NKAIN3: variants seen among roughly 807,000 people sequenced by gnomAD.
NKAIN3 encodes sodium/potassium-transporting ATPase subunit beta-1-interacting protein 3.
Under a neutral mutation model 30.2 loss-of-function variants are expected in NKAIN3, and 25 were observed. That is an observed-to-expected ratio of 0.83 (90% CI 0.60 to 1.16). The LOEUF (loss-of-function observed/expected upper bound fraction) is 1.16. Among genes scored for constraint, NKAIN3 ranks in the 50% most tolerant of loss-of-function variants. The probability of loss-of-function intolerance (pLI) is 0.00; values close to 1 mark genes in which losing one functional copy is unlikely to be tolerated. For missense variants in NKAIN3, 225 were observed against 254.1 expected, an observed-to-expected ratio of 0.89 and a Z score of 0.78; for synonymous variants, 91 against 89.6, an observed-to-expected ratio of 1.02 and a Z score of -0.09.
chr8:62,704,103 C>T (rs1317731059), intron 3 of NKAIN3, among the ~76,000 whole-genome samples: 1 of 152,204 alleles, frequency 6.6e-6, no homozygotes, highest in Non-Finnish European at 1.5e-5. Flanking sequence ...TTCCCTTCCT[C>T]TGTTCCAGGA....
At chr8:62,368,639 A>C (rs954095749) in intron 1 of NKAIN3, among the ~76,000 whole-genome samples, 1 of 152,176 alleles carries the variant, frequency 6.6e-6, no homozygotes, top group Non-Finnish European at 1.5e-5. Context: ...TCTGCAAAAA[A>C]CACCTTGTGC....
chr8:62,263,374 A>G (rs1585609742), intron 1 of NKAIN3, among the ~76,000 whole-genome samples: 2 of 152,270 alleles, frequency 1.3e-5, no homozygotes, highest in Non-Finnish European at 1.5e-5. Flanking sequence ...TGGAATGTAC[A>G]TTTGGATTAA....
intron 3 of NKAIN3, among the ~76,000 whole-genome samples, chr8:62,676,597 T>C (rs979719166): frequency 6.6e-6 from 1 of 152,142 alleles, no homozygotes; most frequent in Non-Finnish European, 1.5e-5. Context: ...TACTATCTTA[T>C]GGGTCAAATT....
chr8:62,466,754 T>C (rs954139040), intron 1 of NKAIN3, among the ~76,000 whole-genome samples: 2 of 152,176 alleles, frequency 1.3e-5, no homozygotes, highest in African/African-American at 4.8e-5. Context: ...AAAAGCCTCA[T>C]ATCATGGAGT....
Position 62,741,362 on chromosome 8 carries a change from AGAAGGAAGGAAGGAAGGAAGGAAG to A in NKAIN3, c.274-5532_274-5509del, listed in dbSNP as rs200947376. Among the ~76,000 whole-genome samples, 273 of 138,030 alleles carry A rather than the reference AGAAGGAAGGAAGGAAGGAAGGAAG, an allele frequency of 2.0e-3. 3 individuals are homozygous for A. Among genetic ancestry groups the A allele is most frequent in the African/African-American group, 7.4e-3 (260 of 35,124 alleles). 90.6% of individuals were successfully genotyped at this position (138,030 alleles called of 152,430 possible). On this transcript the variant is annotated intron_variant, in intron 3 of 6. Coordinates refer to ENST00000623646, the MANE Select transcript of NKAIN3 (RefSeq NM_001304533.3). ...AGTGAGAGAGAAGAAAGAGAGAGAA[AGAAGGAAGGAAGGAAGGAAGGAAG>A]GAAGGAAGGAAGGAAGGAAGGAAGG... is the stretch of plus-strand genomic sequence containing the variant.
Position 62,304,130 on chromosome 8 carries a change from A to G in NKAIN3, c.54+55003A>G, listed in dbSNP as rs959086577. On this transcript the variant is annotated intron_variant, in intron 1 of 6. Transcript: ENST00000623646. ...ATATACATCCTAAGGGATGGTGTAA[A>G]AATGAGTTGCTGAGAAGATATGTGT... Among the ~76,000 whole-genome samples, 5 of 150,612 alleles carry G rather than the reference A, an allele frequency of 3.3e-5. No individual in the cohort carries two copies. The South Asian group carries it at 6.2e-4, about 19-fold the overall frequency.
chr8:62,376,443 TCTAGTCTG>T (rs999195441), intron 1 of NKAIN3, among the ~76,000 whole-genome samples: 3 of 152,226 alleles, frequency 2.0e-5, no homozygotes, highest in Admixed American at 6.5e-5. Flanking sequence ...AAATGCTGTC[TCTAGTCTG>T]CTAGTCTTTT....
chr8:62,623,085 T>C (rs1563488094), intron 3 of NKAIN3, among the ~76,000 whole-genome samples: 1 of 151,982 alleles, frequency 6.6e-6, no homozygotes, highest in Non-Finnish European at 1.5e-5. Context: ...AGAGGCATGA[T>C]TGAATATATT....
intron 3 of NKAIN3, among the ~76,000 whole-genome samples, chr8:62,643,509 C>T (rs900879433): frequency 6.6e-6 from 1 of 152,118 alleles, no homozygotes; most frequent in Non-Finnish European, 1.5e-5. Context: ...TGATCCTGCC[C>T]TCTGATCATG....
At chr8:62,569,836 A>G (rs1809877625) in intron 1 of NKAIN3, among the ~76,000 whole-genome samples, 1 of 152,142 alleles carries the variant, frequency 6.6e-6, no homozygotes, top group Admixed American at 6.5e-5. Context: ...GGAAATACCA[A>G]TTTAGCTAAT....
chr8:62,573,419 G>A (rs1223044852), intron 1 of NKAIN3, among the ~76,000 whole-genome samples: 1 of 152,066 alleles, frequency 6.6e-6, no homozygotes, highest in East Asian at 1.9e-4. Context: ...CAATATACAT[G>A]AAAATCATGC....
chr8:62,545,371 A>T (rs1030967993), intron 1 of NKAIN3, among the ~76,000 whole-genome samples: 18 of 152,112 alleles, frequency 1.2e-4, no homozygotes, highest in African/African-American at 4.3e-4. Context: ...GGATCATTTG[A>T]GGCCAGGAGT....
At chr8:62,465,667 G>A (rs916035704) in intron 1 of NKAIN3, among the ~76,000 whole-genome samples, 1 of 152,234 alleles carries the variant, frequency 6.6e-6, no homozygotes, top group Admixed American at 6.5e-5. Context: ...AGATGAAGGA[G>A]AAGCAGCAGT....
At chr8:62,873,729 T>C (rs926226920) in intron 4 of NKAIN3, among the ~76,000 whole-genome samples, 6 of 151,962 alleles carry the variant, frequency 3.9e-5, no homozygotes, top group Non-Finnish European at 8.8e-5. Flanking sequence ...TGCTCCTGAA[T>C]GACTCCTGTG....
chr8:62,856,084 G>A, intron 4 of NKAIN3: 1 of 704,434 alleles, frequency 1.4e-6, no homozygotes, highest in Non-Finnish European at 2.6e-6. Flanking sequence ...ATCAAACCTG[G>A]ATCATCAAAC....
At chr8:62,584,930 C>T (rs990398770) in intron 2 of NKAIN3, among the ~76,000 whole-genome samples, 1 of 152,186 alleles carries the variant, frequency 6.6e-6, no homozygotes, top group African/African-American at 2.4e-5. Flanking sequence ...GTATTCTAAG[C>T]CTATTCCTGT....
intron 1 of NKAIN3, among the ~76,000 whole-genome samples, chr8:62,533,148 A>G (rs1366009860): frequency 6.6e-6 from 1 of 152,196 alleles, no homozygotes; most frequent in East Asian, 1.9e-4. Flanking sequence ...AAAAGAAAAC[A>G]GGAAATGAAG....
intron 6 of NKAIN3, among the ~76,000 whole-genome samples, chr8:62,961,371 C>T (rs768786821): frequency 6.6e-6 from 1 of 151,998 alleles, no homozygotes; most frequent in Non-Finnish European, 1.5e-5. Flanking sequence ...GAATGCCTTG[C>T]CATAAAGTCA....
At chr8:62,372,011 C>T (rs1246900208) in intron 1 of NKAIN3, among the ~76,000 whole-genome samples, 1 of 151,604 alleles carries the variant, frequency 6.6e-6, no homozygotes, top group African/African-American at 2.4e-5. Flanking sequence ...ATTTACTATA[C>T]TTGATGATAG....
Sources: allele counts gnomAD v4.1 joint callset (sites outside exome capture counted in the v4.1 genomes callset), GRCh38; gene constraint gnomAD v4.1.1; transcripts MANE v1.5; gene names NCBI Gene and HGNC (gene_info 2026-07-23, HGNC 2026-07-21).